The following CDHR3 variants were observed in gnomAD, a reference collection of about 807,000 sequenced individuals.
CDHR3 encodes cadherin related family member 3.
Under a neutral mutation model 86.6 loss-of-function variants are expected in CDHR3, and 79 were observed. The observed-to-expected ratio is 0.91, with a 90% CI of 0.76 to 1.10. The LOEUF is 1.10. Among genes scored for constraint, CDHR3 ranks in the 50% least tolerant of loss-of-function variants. CDHR3 has a pLI of 0.00. For missense variants in CDHR3, 1,081 were observed against 1,077.6 expected (o/e 1.00, Z -0.04); for synonymous variants, 421 against 402.4 (o/e 1.05, Z -0.55).
At chr7:106,026,950 GC>G (rs1163685082) in intron 16 of CDHR3, among the ~76,000 whole-genome samples, 1 of 152,154 alleles carries the variant, frequency 6.6e-6, no homozygotes, top group Non-Finnish European at 1.5e-5. Context: ...TCGCCAATCA[GC>G]TCAGCTGAAC....
intron 2 of CDHR3, 124 bp from the exon 3 acceptor site, chr7:105,980,844 T>G (rs1296022769): frequency 2.3e-6 from 2 of 867,420 alleles, no homozygotes; most frequent in Non-Finnish European, 3.6e-6. Flanking sequence ...CCTCTGACAG[T>G]GAATGAATGC....
At chr7:105,987,790 A>T (rs1830738157) in intron 4 of CDHR3, among the ~76,000 whole-genome samples, 2 of 152,192 alleles carry the variant, frequency 1.3e-5, no homozygotes, top group Non-Finnish European at 2.9e-5. Flanking sequence ...CCACTCCTGG[A>T]GTTTTCGAGT....
chr7:105,999,131 C>T (rs752658075), intron 6 of CDHR3, among the ~76,000 whole-genome samples: 1 of 152,228 alleles, frequency 6.6e-6, no homozygotes, highest in African/African-American at 2.4e-5. Flanking sequence ...GGTAGCAGAG[C>T]TTTACTGTGT....
intron 13 of CDHR3, 30 bp downstream of exon 13, chr7:106,020,574 CCTGTCTCTGAGGACCCTGAAGTTGT>C: frequency 6.3e-7 from 1 of 1,594,434 alleles, no homozygotes. Context: ...CAATCCTGGC[CCTGTCTCTGAGGACCCTGAAGTTGT>C]CTAGGGTAGG....
intron 3 of CDHR3, 34 bp from the exon 4 acceptor site, chr7:105,984,153 AATAAG>A: frequency 7.4e-7 from 1 of 1,349,168 alleles, no homozygotes. Context: ...TTTTTGCTTT[AATAAG>A]ATGTTTCTTA....
chr7:106,013,869 C>A (rs1835174724), intron 9 of CDHR3, among the ~76,000 whole-genome samples: 1 of 152,060 alleles, frequency 6.6e-6, no homozygotes, highest in South Asian at 2.1e-4. Flanking sequence ...CACTGATAAC[C>A]AGTGTTAGTA....
intron 2 of CDHR3, among the ~76,000 whole-genome samples, chr7:105,975,311 T>G (rs527988184): frequency 6.6e-6 from 1 of 152,280 alleles, no homozygotes; most frequent in South Asian, 2.1e-4. Context: ...ATGGCCTCCA[T>G]CCCTCACATG....
Position 105,994,808 on chromosome 7 carries a change from T to C in CDHR3, c.571T>C (p.Ser191Pro). 2 of 1,612,446 alleles carry C rather than the reference T, an allele frequency of 1.2e-6. No homozygotes were observed. The highest frequency in any genetic ancestry group is 1.7e-6 in the Non-Finnish European group (2 of 1,179,280). The part of the protein sequence containing the change: ...FRMSANGTLF[S>P]TTELDFEAGH... ...AATGTCTGCTAATGGCACCCTCTTCTCCACAACAGAATTGGACTTTGAAGC... is the reference window on the plus strand; with the variant it reads ...AATGTCTGCTAATGGCACCCTCTTCCCCACAACAGAATTGGACTTTGAAGC... The change falls in exon 5 of 19, where the codon TCC becomes CCC. Residue 191 changes from serine to proline, a missense_variant. Coordinates refer to ENST00000317716, the MANE Select transcript of CDHR3 (RefSeq NM_152750.5).
At position 105,994,953 on chromosome 7, in the gene CDHR3, A is replaced by C; in HGVS notation, c.608+108A>C. On this transcript the variant is annotated intron_variant, in intron 5 of 18. Coordinates refer to ENST00000317716, the MANE Select transcript of CDHR3 (RefSeq NM_152750.5). ...GAGGGCAGCTGGGGGGAGCCCCTTG[A>C]GCAGTCTACAGCGTCATTGTAAGTT... 5.0e-6 allele frequency: 4 copies of C among 795,372 alleles called. No individual in the cohort carries two copies. The South Asian group carries it at 6.1e-5, about 12-fold the overall frequency. The allele number at this position is 795,372 out of a possible 1,614,324, so 49.3% of individuals were successfully genotyped here.
intron 3 of CDHR3, 120 bp downstream of exon 3, chr7:105,981,253 G>C: frequency 1.1e-6 from 1 of 915,738 alleles, no homozygotes; most frequent in East Asian, 2.7e-5. Flanking sequence ...AAAGGCAGCT[G>C]CTTAATGAGC....
At chr7:106,027,285 T>A (rs893767827) in intron 16 of CDHR3, among the ~76,000 whole-genome samples, 17 of 151,896 alleles carry the variant, frequency 1.1e-4, no homozygotes, top group African/African-American at 4.1e-4. Flanking sequence ...TAGTCCCAGC[T>A]ACTCGGGAGG....
At chr7:106,009,415 A>G (rs1237755484) in intron 8 of CDHR3, among the ~76,000 whole-genome samples, 2 of 152,218 alleles carry the variant, frequency 1.3e-5, no homozygotes, top group Non-Finnish European at 2.9e-5. Context: ...TACCTTCTCC[A>G]GTCCAACTAT....
chr7:106,017,194 T>C (rs1313259779), intron 11 of CDHR3, among the ~76,000 whole-genome samples: 1 of 152,106 alleles, frequency 6.6e-6, no homozygotes, highest in Non-Finnish European at 1.5e-5. Context: ...GAGATGTATG[T>C]GTGAGGTTGT....
chr7:106,028,584 T>G lies in CDHR3; in HGVS notation c.2304+2T>G, dbSNP rs537767440. 3 of 1,613,800 alleles carry G rather than the reference T, an allele frequency of 1.9e-6. No individual in the cohort carries two copies. The highest frequency in any genetic ancestry group is 1.1e-5 in the South Asian group (1 of 91,062). ...ACTGCAGAGAGAGACGTCGTGGTGG[T>G]GAGTATGGGCAGTGTGGGGCACCAG... is the stretch of plus-strand genomic sequence containing the variant. On this transcript the variant is annotated splice_donor_variant, in intron 17 of 18. Coordinates refer to ENST00000317716, the MANE Select transcript of CDHR3 (RefSeq NM_152750.5). LOFTEE classifies it high-confidence loss of function.
At chr7:106,011,765 C>T (rs1235635439) in intron 8 of CDHR3, among the ~76,000 whole-genome samples, 1 of 152,172 alleles carries the variant, frequency 6.6e-6, no homozygotes, top group Non-Finnish European at 1.5e-5. Context: ...ATTGGTCTTC[C>T]TCAGAGCCTC....
chr7:106,010,114 G>C (rs1834569287), intron 8 of CDHR3, among the ~76,000 whole-genome samples: 1 of 152,152 alleles, frequency 6.6e-6, no homozygotes, highest in Non-Finnish European at 1.5e-5. Flanking sequence ...CGGGACCTTG[G>C]ATTCTTTAAA....
In CDHR3 at chr7:106,036,285, T is replaced by A. The variant is rs993410199; in HGVS notation, c.*3588T>A. 6.6e-6 allele frequency: 1 copy of A among 152,230 alleles called. No homozygotes were observed. Among genetic ancestry groups the A allele is most frequent in the Non-Finnish European group, 1.5e-5 (1 of 68,034 alleles). The allele number at this position is 152,230 out of a possible 1,614,324, so 9.4% of individuals were successfully genotyped here. On this transcript the variant is annotated 3_prime_UTR_variant, in exon 19 of 19. Coordinates refer to ENST00000317716, the MANE Select transcript of CDHR3 (RefSeq NM_152750.5). The stretch of plus-strand genomic sequence containing the variant: ...TCTCATTGTTTGCCTTTTTACTTAA[T>A]GTATTTTGTAATGGCTGTGAAAATT...
At chr7:105,971,710 A>G (rs994953133) in intron 1 of CDHR3, among the ~76,000 whole-genome samples, 9 of 152,150 alleles carry the variant, frequency 5.9e-5, no homozygotes, top group Admixed American at 4.6e-4. Context: ...CAGCTCCCCA[A>G]AGGAGCTGCA....
At chr7:106,026,770 C>G in intron 16 of CDHR3, 75 bp downstream of exon 16, 1 of 1,489,430 alleles carries the variant, frequency 6.7e-7, no homozygotes, top group Non-Finnish European at 9.4e-7. Flanking sequence ...GGTTCCTACT[C>G]GGCAAAGAAT....
Sources: allele counts gnomAD v4.1 joint callset (sites outside exome capture counted in the v4.1 genomes callset), GRCh38; gene constraint gnomAD v4.1.1; transcripts MANE v1.5; gene names NCBI Gene and HGNC (gene_info 2026-07-23, HGNC 2026-07-21).